Variants in MARCHF1 observed in about 807,000 individuals in gnomAD.
MARCHF1 encodes the protein membrane associated ring-CH-type finger 1.
MARCHF1 carries 40 observed loss-of-function variants against 54.2 expected under a neutral mutation model. The ratio of observed to expected loss-of-function variants is 0.74; its 90% CI spans 0.57 to 0.96. The LOEUF is 0.96. Among genes scored for constraint, MARCHF1 ranks in the 40% least tolerant of loss-of-function variants. MARCHF1 has a pLI of 0.00. For synonymous variants in MARCHF1, 236 were observed against 236.3 expected (o/e 1.00, Z 0.01); for missense variants, 586 against 656.5 (o/e 0.89, Z 1.17).
At chr4:163,966,977 A>G (rs1752454628) in intron 3 of MARCHF1, among the ~76,000 whole-genome samples, 2 of 152,146 alleles carry the variant, frequency 1.3e-5, no homozygotes, top group Non-Finnish European at 2.9e-5. Context: ...TTGGGCTTTT[A>G]AAAAACCAAA....
intron 3 of MARCHF1, among the ~76,000 whole-genome samples, chr4:163,864,184 T>C (rs943139771): frequency 5.3e-5 from 8 of 151,724 alleles, no homozygotes; most frequent in African/African-American, 1.9e-4. Flanking sequence ...GACAGAAAAA[T>C]AACTTTATAG....
intron 1 of MARCHF1, among the ~76,000 whole-genome samples, chr4:164,220,737 AAT>A (rs1405599135): frequency 2.0e-5 from 3 of 146,772 alleles, no homozygotes; most frequent in South Asian, 2.1e-4. Context: ...GTATATATGT[AAT>A]ATATATGCTA....
intron 4 of MARCHF1, among the ~76,000 whole-genome samples, chr4:163,834,871 T>C (rs972562086): frequency 6.6e-6 from 1 of 151,890 alleles, no homozygotes; most frequent in East Asian, 1.9e-4. Context: ...ACATAATTAT[T>C]TATTTAATCT....
intron 3 of MARCHF1, among the ~76,000 whole-genome samples, chr4:163,946,316 CT>C (rs1025344257): frequency 1.3e-5 from 2 of 152,246 alleles, no homozygotes; most frequent in Non-Finnish European, 2.9e-5. Flanking sequence ...CAAGCCCAAA[CT>C]TTTCCACTTG....
intron 4 of MARCHF1, among the ~76,000 whole-genome samples, chr4:163,737,067 G>A: frequency 6.6e-6 from 1 of 151,732 alleles, no homozygotes; most frequent in Non-Finnish European, 1.5e-5. Context: ...AGGCCTCAAA[G>A]TAGAGACCTG....
intron 1 of MARCHF1, among the ~76,000 whole-genome samples, chr4:164,177,768 A>ATC (rs376656515): frequency 2.1e-4 from 32 of 150,444 alleles, no homozygotes; most frequent in Non-Finnish European, 3.5e-4. Context: ...TCTCTCTCTC[A>ATC]TCTCTCTCTC....
At chr4:164,138,427 G>C (rs1756450015) in intron 1 of MARCHF1, among the ~76,000 whole-genome samples, 1 of 152,086 alleles carries the variant, frequency 6.6e-6, no homozygotes, top group Non-Finnish European at 1.5e-5. Context: ...ACCAGAAGTA[G>C]GAGCAAGGGA....
In MARCHF1 at chr4:164,245,534, T is replaced by C. The variant is rs937715009; in HGVS notation, c.-322-133872A>G. On this transcript the variant is annotated intron_variant, in intron 1 of 9. Coordinates refer to ENST00000514618, the MANE Select transcript of MARCHF1 (RefSeq NM_001394959.1). ...AACTGGAAGCATTCCCTTTGAAAAC[T>C]GGCACAAGACAGGGATGCCCTCTCT... is the stretch of plus-strand genomic sequence containing the variant. 1.1e-4 allele frequency among the ~76,000 whole-genome samples: 17 copies of C among 151,900 alleles called. No homozygotes were observed. In the East Asian group the frequency reaches 1.4e-3, roughly 12 times the overall value.
At chr4:163,733,209 A>ACG (rs1326898710) in intron 4 of MARCHF1, among the ~76,000 whole-genome samples, 2 of 35,710 alleles carry the variant, frequency 5.6e-5, no homozygotes, top group African/African-American at 7.2e-5. Flanking sequence ...ATATATATAT[A>ACG]TATATATATA....
At chr4:163,724,336 G>A (rs1745582777) in intron 4 of MARCHF1, among the ~76,000 whole-genome samples, 1 of 152,230 alleles carries the variant, frequency 6.6e-6, no homozygotes, top group Non-Finnish European at 1.5e-5. Flanking sequence ...GAATATTGCT[G>A]AACAGCAAAT....
At chr4:164,268,070 ACACACACACAAAAAT>A (rs1337257517) in intron 1 of MARCHF1, among the ~76,000 whole-genome samples, 2 of 152,190 alleles carry the variant, frequency 1.3e-5, no homozygotes, top group Non-Finnish European at 2.9e-5. Flanking sequence ...TGAGCTTCTA[ACACACACACAAAAAT>A]CACACACACA....
At chr4:163,569,745 A>C (rs1739779687) in intron 8 of MARCHF1, among the ~76,000 whole-genome samples, 1 of 152,160 alleles carries the variant, frequency 6.6e-6, no homozygotes, top group South Asian at 2.1e-4. Context: ...TTAAAATTAT[A>C]GGCTATTGGA....
intron 1 of MARCHF1, among the ~76,000 whole-genome samples, chr4:164,348,011 G>A (rs541572736): frequency 6.6e-6 from 1 of 152,194 alleles, no homozygotes; most frequent in African/African-American, 2.4e-5. Context: ...AGTTGAGAAG[G>A]GAGGGCAGGC....
At chr4:163,860,605 C>G (rs1395564317) in intron 3 of MARCHF1, among the ~76,000 whole-genome samples, 2 of 152,234 alleles carry the variant, frequency 1.3e-5, no homozygotes, top group South Asian at 2.1e-4. Context: ...GAAATACAGG[C>G]TCACTAAAAG....
At chr4:163,617,110 T>C (rs1013436888) in intron 5 of MARCHF1, among the ~76,000 whole-genome samples, 3 of 152,104 alleles carry the variant, frequency 2.0e-5, no homozygotes, top group Non-Finnish European at 4.4e-5. Flanking sequence ...TGCAGCAACA[T>C]AGATGAGCCT....
chr4:164,247,610 T>TA (rs56892152), intron 1 of MARCHF1, among the ~76,000 whole-genome samples: 7 of 130,306 alleles, frequency 5.4e-5, no homozygotes, highest in African/African-American at 1.8e-4. Flanking sequence ...AGTATAATAA[T>TA]AAAAAAAAAA....
intron 4 of MARCHF1, among the ~76,000 whole-genome samples, chr4:163,730,664 CCTA>C (rs1371356802): frequency 6.6e-6 from 1 of 152,030 alleles, no homozygotes; most frequent in African/African-American, 2.4e-5. Context: ...GTGTGCTGCA[CCTA>C]CTTTTTTATT....
intron 5 of MARCHF1, among the ~76,000 whole-genome samples, chr4:163,662,699 G>A (rs1743385990): frequency 3.3e-5 from 5 of 151,920 alleles, no homozygotes; most frequent in Admixed American, 3.3e-4. Context: ...TGTGTCTCCG[G>A]CTAGTGGTGG....
chr4:163,580,770 A>G (rs1018065229), intron 8 of MARCHF1, among the ~76,000 whole-genome samples: 3 of 152,114 alleles, frequency 2.0e-5, no homozygotes, highest in Admixed American at 1.3e-4. Context: ...AAAGATTTCC[A>G]TCAGGAATGA....
Sources: gnomAD v4.1 joint callset for allele counts (sites outside exome capture counted in the v4.1 genomes callset) on GRCh38, gnomAD v4.1.1 for gene constraint, MANE v1.5 for transcripts, NCBI Gene and HGNC (gene_info 2026-07-23, HGNC 2026-07-21) for gene names.